Variants in SBNO1 observed in about 807,000 individuals in gnomAD.
The protein encoded by SBNO1 is strawberry notch homolog 1, also known as protein strawberry notch homolog 1.
A neutral mutation model predicts 173.6 loss-of-function variants in SBNO1; 23 were observed. That is an observed-to-expected ratio of 0.13 (90% CI 0.10 to 0.19). The LOEUF is 0.19. Ranked by LOEUF, SBNO1 falls within the 10% of genes least tolerant of loss-of-function variation. SBNO1 has a pLI of 1.00. For missense variants in SBNO1, 1,238 were observed against 1,671.2 expected (o/e 0.74, Z 4.52); for synonymous variants, 632 against 571.5 (o/e 1.11, Z -1.51).
chr12:123,360,592 G>A lies in SBNO1; in HGVS notation c.-1+4109C>T, dbSNP rs530967820. On this transcript the variant is annotated intron_variant, in intron 1 of 31. Coordinates refer to ENST00000602398, the MANE Select transcript of SBNO1 (RefSeq NM_001167856.3). ...CCAGAGTAGCTGGGATTATAGGTGC[G>A]GATCACCACGCCCAGCTAATTTTTT... Among the ~76,000 whole-genome samples the A allele has an allele frequency of 3.2e-4, 49 of 151,660 alleles. 1 individual carries two copies. In the South Asian group the frequency reaches 8.8e-3, roughly 27 times the overall value.
At chr12:123,362,917 A>C (rs1289823306) in intron 1 of SBNO1, among the ~76,000 whole-genome samples, 1 of 147,946 alleles carries the variant, frequency 6.8e-6, no homozygotes, top group Non-Finnish European at 1.5e-5. Flanking sequence ...GCCTCTCAAC[A>C]AAAAAATTAA....
In SBNO1 at chr12:123,323,737, T is replaced by A; in HGVS notation, c.2068A>T (p.Asn690Tyr). ...GGACTATCTCTTGGCGAACTGTTGT[T>A]ACTTGGAGCTGTCAAATCGATTCCT... ...LLGIDLTAPSNNSSPRDSPCK... is the reference protein window; with the variant it reads ...LLGIDLTAPSYNSSPRDSPCK... The change falls in exon 16 of 32, where the codon AAC becomes TAC. Residue 690 changes from asparagine to tyrosine, a missense_variant. Physicochemically the swap from Asn to Tyr is moderately radical, Grantham distance 143. Transcript: ENST00000602398. The A allele has an allele frequency of 5.6e-6, 9 of 1,613,026 alleles. No homozygotes were observed. Among genetic ancestry groups the A allele is most frequent in the African/African-American group, 1.3e-5 (1 of 74,994 alleles).
rs1347852381 is a variant in SBNO1 at position 123,323,744 on chromosome 12, A to G, written c.2061T>C (p.Ala687=). The G allele has an allele frequency of 6.2e-7, 1 of 1,612,744 alleles. No individual in the cohort carries two copies. The highest frequency in any genetic ancestry group is 8.5e-7 in the Non-Finnish European group (1 of 1,179,566). Residue 687 remains alanine (A), a synonymous_variant, in exon 16 of 32, where the codon GCT becomes GCC. Transcript: ENST00000602398. ...LYSLLGIDLT[A]PSNNSSPRDS... ...CTCTTGGCGAACTGTTGTTACTTGG[A>G]GCTGTCAAATCGATTCCTAGTAAAC... is the stretch of plus-strand genomic sequence containing the variant.
chr12:123,325,251 G>A (rs10744152), intron 15 of SBNO1, among the ~76,000 whole-genome samples: 145,093 of 152,348 alleles, frequency 0.95, 69,222 homozygotes, highest in Non-Finnish European at 0.96. Flanking sequence ...GATAAACAAA[G>A]TCTAGCCCTT....
Position 123,292,194 on chromosome 12 carries a change from C to T in SBNO1, c.*3714G>A, listed in dbSNP as rs995453931. On this transcript the variant is annotated 3_prime_UTR_variant, in exon 32 of 32. Coordinates refer to ENST00000602398, the MANE Select transcript of SBNO1 (RefSeq NM_001167856.3). ...AAATGTCCATCTCCACGGTGTCTGC[C>T]TTTGCCATTGGGAGGCCTGAACTAA... 5.3e-5 allele frequency: 8 copies of T among 152,122 alleles called. No individual in the cohort carries two copies. The highest frequency in any genetic ancestry group is 1.9e-4 in the African/African-American group (8 of 41,404). 9.4% of individuals were successfully genotyped at this position (152,122 alleles called of 1,614,324 possible).
At chr12:123,320,950 T>G in intron 17 of SBNO1, 84 bp from the exon 18 acceptor site, 1 of 1,156,944 alleles carries the variant, frequency 8.6e-7, no homozygotes, top group South Asian at 1.6e-5. Flanking sequence ...TGAAATTTTA[T>G]TTTTTTGAGA....
intron 1 of SBNO1, among the ~76,000 whole-genome samples, chr12:123,356,344 T>G (rs1874457447): frequency 6.6e-6 from 1 of 152,216 alleles, no homozygotes; most frequent in African/African-American, 2.4e-5. Context: ...AAAAAAGATG[T>G]TTACTCCCAT....
chr12:123,364,606 C>A, intron 1 of SBNO1, 95 bp downstream of exon 1: 21 of 971,294 alleles, frequency 2.2e-5, no homozygotes, highest in Non-Finnish European at 2.5e-5. Context: ...GGCTGTCCCC[C>A]CAGCCTGGCC....
chr12:123,299,612 C>T (rs561357625), intron 30 of SBNO1, among the ~76,000 whole-genome samples: 54 of 141,950 alleles, frequency 3.8e-4, no homozygotes, highest in Non-Finnish European at 7.4e-4. Context: ...ACCTCAGAGG[C>T]GGAGCTTGCA....
intron 24 of SBNO1, among the ~76,000 whole-genome samples, chr12:123,312,040 A>G (rs1868640311): frequency 6.6e-6 from 1 of 151,714 alleles, no homozygotes; most frequent in Non-Finnish European, 1.5e-5. Context: ...GCGCCTAGCC[A>G]TAACCTGTAA....
intron 4 of SBNO1, among the ~76,000 whole-genome samples, chr12:123,342,307 T>C (rs1872661169): frequency 6.6e-6 from 1 of 151,304 alleles, no homozygotes. Context: ...AAAAATTAGC[T>C]GGGCGTGGTG....
At position 123,297,956 on chromosome 12, in the gene SBNO1, C is replaced by A. The variant is rs751195857; in HGVS notation, c.4039+22G>T. On this transcript the variant is annotated intron_variant, in intron 31 of 31. Transcript: ENST00000602398. ...ATCCGATTTTTTCCTGCAACTCAAA[C>A]CAAAACAAAAATTAGACTCACCTAC... 4 of 1,607,912 alleles carry A rather than the reference C, an allele frequency of 2.5e-6. No individual in the cohort carries two copies. In the East Asian group the frequency reaches 8.9e-5, roughly 36 times the overall value.
At chr12:123,336,285 T>C (rs1379525333) in intron 6 of SBNO1, 110 bp downstream of exon 6, 4 of 746,142 alleles carry the variant, frequency 5.4e-6, no homozygotes, top group Non-Finnish European at 9.0e-6. Context: ...TTAAAAGACT[T>C]TGACCTAAAG....
chr12:123,299,692 A>C (rs1018094136), intron 30 of SBNO1, among the ~76,000 whole-genome samples: 8 of 151,154 alleles, frequency 5.3e-5, no homozygotes, highest in Non-Finnish European at 8.9e-5. Context: ...AAAAAAAAAA[A>C]AAAAAAACAA....
chr12:123,302,795 A>T (rs754874781), intron 30 of SBNO1, 29 bp downstream of exon 30: 1 of 1,557,858 alleles, frequency 6.4e-7, no homozygotes, highest in Non-Finnish European at 8.8e-7. Context: ...AATTTTGGAA[A>T]ATTTGGTAGG....
rs1258360365 is a variant in SBNO1, at chr12:123,295,776, C to T, written c.*132G>A. 3 of 1,221,696 alleles carry T rather than the reference C, an allele frequency of 2.5e-6. No homozygotes were observed. The highest frequency in any genetic ancestry group is 2.3e-5 in the East Asian group (1 of 42,698). The allele number at this position is 1,221,696 out of a possible 1,614,324, so 75.7% of individuals were successfully genotyped here. A position where few individuals can be genotyped will look rare whatever the true frequency, so the allele number is the denominator to read the frequency against. ...GCTATCTATTCCAGGTTTGTCCTTA[C>T]TCCCAAAAAAACTAACTAGAGAGCA... On this transcript the variant is annotated 3_prime_UTR_variant, in exon 32 of 32. Transcript: ENST00000602398.
chr12:123,328,046 G>A lies in SBNO1; in HGVS notation c.1297-19C>T, dbSNP rs778974883. On this transcript the variant is annotated intron_variant, in intron 10 of 31. Coordinates refer to ENST00000602398, the MANE Select transcript of SBNO1 (RefSeq NM_001167856.3). ...ACACTATCTAAATGGAATGAGTTAA[G>A]GAATGTATCACATTAGTATTAAGTA... 1.9e-6 allele frequency: 3 copies of A among 1,582,378 alleles called. No homozygotes were observed. The Admixed American group carries it at 5.2e-5, about 27-fold the overall frequency.
chr12:123,345,083 A>G (rs1872968590), intron 4 of SBNO1, among the ~76,000 whole-genome samples, 175 bp downstream of exon 4: 2 of 152,226 alleles, frequency 1.3e-5, no homozygotes, highest in Admixed American at 6.5e-5. Flanking sequence ...AACCTACCCA[A>G]GGCATCTAAA....
At chr12:123,302,955 T>TAC in intron 29 of SBNO1, 55 bp from the exon 30 acceptor site, 1 of 1,323,742 alleles carries the variant, frequency 7.6e-7, no homozygotes, top group South Asian at 1.2e-5. Flanking sequence ...ATAAACTGGT[T>TAC]ACCTAGTCTG....
Sources: allele counts gnomAD v4.1 joint callset (sites outside exome capture counted in the v4.1 genomes callset), GRCh38; gene constraint gnomAD v4.1.1; transcripts MANE v1.5; gene names NCBI Gene and HGNC (gene_info 2026-07-23, HGNC 2026-07-21).